Variants in LYSMD2 observed in about 807,000 individuals in gnomAD.
LYSMD2 encodes the protein LysM domain containing 2, also known as lysM and putative peptidoglycan-binding domain-containing protein 2.
A neutral mutation model predicts 17.7 loss-of-function variants in LYSMD2; 6 were observed. The ratio of observed to expected loss-of-function variants is 0.34; its 90% CI spans 0.19 to 0.67. The LOEUF is 0.67. Among genes scored for constraint, LYSMD2 ranks in the 30% least tolerant of loss-of-function variants. LYSMD2 has a pLI of 0.69. For missense variants in LYSMD2, 237 were observed against 286.7 expected (o/e 0.83, Z 1.25); for synonymous variants, 102 against 129.8 (o/e 0.79, Z 1.45).
chr15:51,740,300 G>C (rs930180058), upstream of LYSMD2, among the ~76,000 whole-genome samples: 1 of 152,134 alleles, frequency 6.6e-6, no homozygotes, highest in Non-Finnish European at 1.5e-5. Flanking sequence ...AAAAAGAACT[G>C]AGTTACATGA....
exon 1 of LYSMD2, chr15:51,751,434 C>T (rs925711389): frequency 1.5e-6 from 1 of 683,618 alleles, no homozygotes; most frequent in African/African-American, 1.8e-5. Flanking sequence ...CCCTGCAGAG[C>T]TGTGGCGGGG....
rs35471211 is a variant in LYSMD2 at position 51,728,869 on chromosome 15, CAA to C, written c.274-3750_274-3749del. Reference sequence around the variant, plus strand: ...TGGGTGACAGAGTGAGACTCCATCTCAAAAAAAAAAAAAAATTTGTTTCTCCC... The same window carrying C: ...TGGGTGACAGAGTGAGACTCCATCTCAAAAAAAAAAAAATTTGTTTCTCCC... On this transcript the variant is annotated intron_variant, in intron 1 of 2. Transcript: ENST00000267838. Among the ~76,000 whole-genome samples, 389 of 138,610 alleles carry C rather than the reference CAA, an allele frequency of 2.8e-3. 1 individual carries two copies. The highest frequency in any genetic ancestry group is 8.4e-3 in the East Asian group (40 of 4,742). 90.9% of individuals were successfully genotyped at this position (138,610 alleles called of 152,430 possible).
rs2055666019 is a variant in LYSMD2, at chr15:51,746,003, A to AGAAT, written c.-1+5264_-1+5267dup. On this transcript the variant is annotated intron_variant, in intron 1 of 2. Coordinates refer to the LYSMD2 transcript ENST00000454181. ...TTGGAATTTTCACCCATTGCTGGTT[A>AGAAT]GAATGTAAAATGGTGCAGATACTTT... is the stretch of plus-strand genomic sequence containing the variant. 2.0e-5 allele frequency among the ~76,000 whole-genome samples: 3 copies of AGAAT among 152,236 alleles called. No individual in the cohort carries two copies. In the South Asian group the frequency reaches 6.2e-4, roughly 32 times the overall value.
At chr15:51,743,897 C>T (rs1013216366) in intron 1 of LYSMD2, among the ~76,000 whole-genome samples, 2 of 152,132 alleles carry the variant, frequency 1.3e-5, no homozygotes, top group African/African-American at 2.4e-5. Context: ...ATGTAAGTGA[C>T]ATTGTGCTTT....
intron 1 of LYSMD2, among the ~76,000 whole-genome samples, chr15:51,742,955 C>G (rs2055650553): frequency 6.6e-6 from 1 of 152,284 alleles, no homozygotes; most frequent in East Asian, 1.9e-4. Context: ...CAGTGAGACT[C>G]TGACTCAAAA....
chr15:51,736,801 G>A (rs1278567381), intron 1 of LYSMD2, among the ~76,000 whole-genome samples: 1 of 152,126 alleles, frequency 6.6e-6, no homozygotes, highest in Admixed American at 6.5e-5. Flanking sequence ...TCACATTCGC[G>A]GTTGCCAGTG....
At chr15:51,747,138 T>C (rs1444176891) in intron 1 of LYSMD2, among the ~76,000 whole-genome samples, 3 of 151,226 alleles carry the variant, frequency 2.0e-5, no homozygotes, top group Non-Finnish European at 4.4e-5. Context: ...AGGCAGAGGT[T>C]GCAGTGAGCC....
At chr15:51,728,768 G>T (rs1003722902) in intron 1 of LYSMD2, among the ~76,000 whole-genome samples, 2 of 151,942 alleles carry the variant, frequency 1.3e-5, no homozygotes, top group Admixed American at 1.3e-4. Context: ...TACTAGGGAG[G>T]CTGAGGCAGA....
chr15:51,728,457 AG>A (rs2055555201), intron 1 of LYSMD2, among the ~76,000 whole-genome samples: 1 of 151,942 alleles, frequency 6.6e-6, no homozygotes, highest in Non-Finnish European at 1.5e-5. Context: ...AAGTACTCAA[AG>A]GTGTCAGCAA....
At position 51,725,030 on chromosome 15, in the gene LYSMD2, G is replaced by A; in HGVS notation, c.365C>T (p.Pro122Leu). ...GGAGTTAAGTCCATTAAACAACAAA[G>A]GCTTCTCTGATATAACTGGGATGTT... ...TLNIPVISEKPLLFNGLNSID... is the reference protein window; with the variant it reads ...TLNIPVISEKLLLFNGLNSID... Residue 122 changes from proline to leucine, a missense_variant, in exon 2 of 3, where the codon CCT becomes CTT. Transcript: ENST00000267838. 1.2e-6 allele frequency: 2 copies of A among 1,613,666 alleles called. No individual in the cohort carries two copies. The highest frequency in any genetic ancestry group is 1.7e-6 in the Non-Finnish European group (2 of 1,179,620).
chr15:51,744,813 G>A (rs2055659192), intron 1 of LYSMD2, among the ~76,000 whole-genome samples: 1 of 152,096 alleles, frequency 6.6e-6, no homozygotes, highest in South Asian at 2.1e-4. Context: ...AATCAAGGAA[G>A]TCAACAAATC....
chr15:51,737,292 C>G lies in LYSMD2; in HGVS notation c.273+58G>C. On this transcript the variant is annotated intron_variant, in intron 1 of 2. Transcript: ENST00000267838. The surrounding 1 kb of genome is among the most constrained non-coding windows in gnomAD (Gnocchi z 4.2). The stretch of plus-strand genomic sequence containing the variant: ...CCCCCACCCCCACCGCACCCCGAGC[C>G]GCACCGCCTCCTGCGCGGTAGCTGC... 1 of 1,267,242 alleles carries G rather than the reference C, an allele frequency of 7.9e-7. No individual in the cohort carries two copies. The allele number at this position is 1,267,242 out of a possible 1,614,324, so 78.5% of individuals were successfully genotyped here.
intron 1 of LYSMD2, among the ~76,000 whole-genome samples, chr15:51,735,902 A>T (rs2141598163): frequency 6.6e-6 from 1 of 152,360 alleles, no homozygotes; most frequent in Admixed American, 6.5e-5. Flanking sequence ...AAGATGCCTG[A>T]AAACCAGATA....
intron 1 of LYSMD2, among the ~76,000 whole-genome samples, chr15:51,735,207 G>A (rs2055601218): frequency 6.6e-6 from 1 of 151,862 alleles, no homozygotes; most frequent in African/African-American, 2.4e-5. Context: ...ATTAAAACAA[G>A]AATATCACTT....
chr15:51,733,023 C>T (rs776722000), intron 1 of LYSMD2, among the ~76,000 whole-genome samples: 5 of 152,208 alleles, frequency 3.3e-5, no homozygotes, highest in Non-Finnish European at 5.9e-5. Flanking sequence ...AGACAAAGCC[C>T]TTACAATGGT....
chr15:51,742,683 T>G (rs1323368812), intron 1 of LYSMD2, among the ~76,000 whole-genome samples: 1 of 152,150 alleles, frequency 6.6e-6, no homozygotes, highest in Non-Finnish European at 1.5e-5. Context: ...ACTTGCTGGG[T>G]GCAGTGGCTC....
At chr15:51,733,825 G>GC (rs2055591934) in intron 1 of LYSMD2, among the ~76,000 whole-genome samples, 1 of 152,172 alleles carries the variant, frequency 6.6e-6, no homozygotes, top group Non-Finnish European at 1.5e-5. Flanking sequence ...AGATGGAACA[G>GC]CAAGTGCAAG....
chr15:51,747,156 C>T (rs540729102), intron 1 of LYSMD2, among the ~76,000 whole-genome samples: 14 of 151,702 alleles, frequency 9.2e-5, no homozygotes, highest in East Asian at 5.8e-4. Flanking sequence ...GCCGAGATCA[C>T]GCCATTGCAC....
At chr15:51,731,463 A>G (rs1315667473) in intron 1 of LYSMD2, among the ~76,000 whole-genome samples, 4 of 152,224 alleles carry the variant, frequency 2.6e-5, no homozygotes, top group African/African-American at 9.6e-5. Flanking sequence ...CAAAAATGAC[A>G]ATCATTTCAC....
Sources: allele counts gnomAD v4.1 joint callset (sites outside exome capture counted in the v4.1 genomes callset), GRCh38; gene constraint gnomAD v4.1.1; non-coding constraint Gnocchi (gnomAD v3.1); transcripts MANE v1.5; gene names NCBI Gene and HGNC (gene_info 2026-07-23, HGNC 2026-07-21).